ASAP1: variants seen among roughly 807,000 people sequenced by gnomAD.
ASAP1 encodes the protein ArfGAP with SH3 domain, ankyrin repeat and PH domain 1, also known as arf-GAP with SH3 domain, ANK repeat and PH domain-containing protein 1.
ASAP1 carries 43 observed loss-of-function variants against 145.2 expected under a neutral mutation model. The ratio of observed to expected loss-of-function variants is 0.30; its 90% CI spans 0.23 to 0.38. ASAP1 has a LOEUF of 0.38. Ranked by LOEUF, ASAP1 falls within the 10% of genes least tolerant of loss-of-function variation. ASAP1 has a pLI of 1.00. For synonymous variants in ASAP1, 546 were observed against 515.5 expected (o/e 1.06, Z -0.80); for missense variants, 1,018 against 1,355.3 (o/e 0.75, Z 3.91).
intron 2 of ASAP1, among the ~76,000 whole-genome samples, chr8:130,370,811 A>G (rs1371309927): frequency 1.3e-5 from 2 of 152,246 alleles, no homozygotes; most frequent in African/African-American, 2.4e-5. Context: ...AAGACCACAT[A>G]CTGTATGATA....
chr8:130,386,815 T>A (rs1307028898), intron 2 of ASAP1: 2 of 152,198 alleles, frequency 1.3e-5, no homozygotes, highest in Non-Finnish European at 2.9e-5. Flanking sequence ...CCTCCACTTT[T>A]AGGTTCATGG....
rs2097417628 is a variant in ASAP1 at position 130,060,772 on chromosome 8, G to C, written c.2999C>G (p.Ala1000Gly). 6.2e-7 allele frequency: 1 copy of C among 1,614,082 alleles called. No homozygotes were observed. Among genetic ancestry groups the C allele is most frequent in the Admixed American group, 1.7e-5 (1 of 60,002 alleles). ...PPKPQLGDLL[A>G]KSQTGDVSPK... ...TGAGACATCTCCAGTCTGGGATTTT[G>C]CTAGCAGGTCTCCCAGCTGTGGTTT... The change falls in exon 28 of 30, where the codon GCA becomes GGA. Residue 1000 changes from alanine to glycine, a missense_variant. Physicochemically the swap from Ala to Gly is moderately conservative, Grantham distance 60 (BLOSUM62 0). Coordinates refer to ENST00000518721, the MANE Select transcript of ASAP1 (RefSeq NM_018482.4).
At chr8:130,279,035 C>T (rs1174118627) in intron 3 of ASAP1, among the ~76,000 whole-genome samples, 4 of 152,152 alleles carry the variant, frequency 2.6e-5, no homozygotes, top group African/African-American at 9.7e-5. Context: ...GAAAGTGATA[C>T]CCTAATAAGG....
chr8:130,242,603 GA>G (rs563919283), intron 3 of ASAP1, among the ~76,000 whole-genome samples: 4 of 152,062 alleles, frequency 2.6e-5, no homozygotes, highest in Non-Finnish European at 5.9e-5. Flanking sequence ...ATAAGAGGAT[GA>G]AAAAGTGACA....
chr8:130,422,411 T>C (rs887608209), intron 1 of ASAP1, among the ~76,000 whole-genome samples: 2 of 152,182 alleles, frequency 1.3e-5, no homozygotes, highest in South Asian at 2.1e-4. Flanking sequence ...AATTCCTTGA[T>C]AGAAAAGTAA....
At chr8:130,404,121 G>T (rs777761982) in intron 1 of ASAP1, among the ~76,000 whole-genome samples, 2 of 152,216 alleles carry the variant, frequency 1.3e-5, no homozygotes, top group Non-Finnish European at 2.9e-5. Context: ...TGGATACAAA[G>T]ATTGTGTTTG....
chr8:130,300,207 T>TAC (rs1387673937), intron 3 of ASAP1, among the ~76,000 whole-genome samples: 1 of 121,848 alleles, frequency 8.2e-6, no homozygotes, highest in Non-Finnish European at 1.6e-5. Flanking sequence ...GAGCAGTCAA[T>TAC]ACAAAAGGCT....
At chr8:130,283,587 G>GACAAAAAAAAAAAAAA (rs1821396757) in intron 3 of ASAP1, among the ~76,000 whole-genome samples, 5 of 20,852 alleles carry the variant, frequency 2.4e-4, no homozygotes, top group African/African-American at 8.6e-4. Context: ...ATCACAGAAA[G>GACAAAAAAAAAAAAAA]AAAAAAAAAA....
chr8:130,341,060 A>G, intron 3 of ASAP1: 1 of 369,524 alleles, frequency 2.7e-6, no homozygotes. Context: ...CAGTAACACC[A>G]CGTGGCTGTG....
At chr8:130,385,947 T>C (rs1827994614) in intron 2 of ASAP1, among the ~76,000 whole-genome samples, 1 of 152,190 alleles carries the variant, frequency 6.6e-6, no homozygotes, top group East Asian at 1.9e-4. Flanking sequence ...AATGATCAGG[T>C]GACATGGGCT....
chr8:130,391,042 C>G (rs1565275696), intron 2 of ASAP1, among the ~76,000 whole-genome samples: 1 of 151,624 alleles, frequency 6.6e-6, no homozygotes, highest in African/African-American at 2.4e-5. Context: ...CGTATTCATC[C>G]ACGGATGACT....
At chr8:130,410,786 T>G (rs1829233068) in intron 1 of ASAP1, among the ~76,000 whole-genome samples, 1 of 152,198 alleles carries the variant, frequency 6.6e-6, no homozygotes, top group South Asian at 2.1e-4. Context: ...AAAGACACAT[T>G]CCAACACGGG....
At chr8:130,109,078 G>A (rs1455644852) in intron 24 of ASAP1, among the ~76,000 whole-genome samples, 1 of 152,120 alleles carries the variant, frequency 6.6e-6, no homozygotes, top group Non-Finnish European at 1.5e-5. Flanking sequence ...CCCGGTCCAA[G>A]AACCAGTGTT....
chr8:130,133,872 C>A (rs1417462138), intron 15 of ASAP1, among the ~76,000 whole-genome samples: 1 of 152,142 alleles, frequency 6.6e-6, no homozygotes, highest in Admixed American at 6.5e-5. Flanking sequence ...GGTAGGCTGG[C>A]TGATATGTTT....
intron 27 of ASAP1, among the ~76,000 whole-genome samples, chr8:130,067,442 C>T (rs2097433023): frequency 6.6e-6 from 1 of 152,200 alleles, no homozygotes; most frequent in Non-Finnish European, 1.5e-5. Flanking sequence ...GTCACCTAGG[C>T]TGGAGTGCAG....
At chr8:130,168,478 G>A (rs1477234020) in intron 10 of ASAP1, among the ~76,000 whole-genome samples, 5 of 152,030 alleles carry the variant, frequency 3.3e-5, no homozygotes, top group African/African-American at 1.2e-4. Flanking sequence ...AACCCCATCT[G>A]TACCAAAAGG....
In ASAP1 at chr8:130,237,604, A is replaced by C. The variant is rs79731452; in HGVS notation, c.187-610T>G. Among the ~76,000 whole-genome samples, 351 of 152,204 alleles carry C rather than the reference A, an allele frequency of 2.3e-3. 1 individual carries two copies. Among genetic ancestry groups the C allele is most frequent in the African/African-American group, 8.3e-3 (345 of 41,544 alleles). ...CATCATGATGCTGGTAATGCTTTTA[A>C]ATGATTTCTTGGATGATGAATCAAC... On this transcript the variant is annotated intron_variant, in intron 3 of 29. Coordinates refer to ENST00000518721, the MANE Select transcript of ASAP1 (RefSeq NM_018482.4).
intron 9 of ASAP1, among the ~76,000 whole-genome samples, chr8:130,174,511 GCACTATTATACA>G (rs1043078753): frequency 3.9e-5 from 6 of 152,158 alleles, no homozygotes; most frequent in Non-Finnish European, 8.8e-5. Flanking sequence ...ACCAGTCACC[GCACTATTATACA>G]CAATTCATGG....
intron 6 of ASAP1, 60 bp downstream of exon 6, chr8:130,188,049 G>T: frequency 1.6e-6 from 2 of 1,263,876 alleles, no homozygotes; most frequent in Non-Finnish European, 1.1e-6. Flanking sequence ...GATCTTGAAA[G>T]AGGAAAAAAA....
Sources: allele counts gnomAD v4.1 joint callset (sites outside exome capture counted in the v4.1 genomes callset), GRCh38; gene constraint gnomAD v4.1.1; transcripts MANE v1.5; gene names NCBI Gene and HGNC (gene_info 2026-07-23, HGNC 2026-07-21).